The following ELN variants were observed in gnomAD, a reference collection of about 807,000 sequenced individuals.
ELN encodes the protein tropoelastin.
Under a neutral mutation model 105.8 loss-of-function variants are expected in ELN, and 65 were observed. The ratio of observed to expected loss-of-function variants is 0.61; its 90% CI spans 0.50 to 0.75. ELN has a LOEUF of 0.75. Among genes scored for constraint, ELN ranks in the 30% least tolerant of loss-of-function variants. The pLI is 0.00. For missense variants in ELN, 882 were observed against 969.4 expected (o/e 0.91, Z 1.20); for synonymous variants, 368 against 389.2 (o/e 0.95, Z 0.64).
chr7:74,065,586 C>T, intron 29 of ELN, 108 bp from the exon 30 acceptor site: 2 of 1,376,072 alleles, frequency 1.5e-6, no homozygotes, highest in Non-Finnish European at 1.0e-6. Flanking sequence ...TGCACTCCAG[C>T]CCAGGCGAAG....
chr7:74,034,577 C>T (rs1292569989), intron 1 of ELN, among the ~76,000 whole-genome samples: 2 of 152,134 alleles, frequency 1.3e-5, no homozygotes, highest in Non-Finnish European at 2.9e-5. Context: ...TGGAGGTGCA[C>T]GCCTGTAGTC....
rs557259683 is a variant in ELN, at chr7:74,063,388, T to G, written c.1918+19T>G. The G allele has an allele frequency of 8.6e-5, 133 of 1,544,030 alleles. No individual in the cohort carries two copies. In the African/African-American group the frequency reaches 1.7e-3, roughly 20 times the overall value. On this transcript the variant is annotated intron_variant, in intron 28 of 32. Coordinates refer to ENST00000252034, the MANE Select transcript of ELN (RefSeq NM_000501.4). The surrounding 1 kb of genome is among the most constrained non-coding windows in gnomAD (Gnocchi z 4.1). Reference sequence around the variant, plus strand: ...CAGTTTGGTGAGCACTGGGTGGAGGTGGGAGCTGCCGCCAGGCCCCCAGGC... The same window carrying G: ...CAGTTTGGTGAGCACTGGGTGGAGGGGGGAGCTGCCGCCAGGCCCCCAGGC...
chr7:74,058,995 G>C (rs550677461), intron 22 of ELN, among the ~76,000 whole-genome samples: 1 of 151,846 alleles, frequency 6.6e-6, no homozygotes, highest in African/African-American at 2.4e-5. Flanking sequence ...CCGTCAGCTC[G>C]CCGCAGGCCT....
chr7:74,029,988 G>T (rs529179466), intron 1 of ELN, among the ~76,000 whole-genome samples: 1 of 152,178 alleles, frequency 6.6e-6, no homozygotes, highest in East Asian at 1.9e-4. Context: ...AAGGCTTGGG[G>T]CTGAGTCCTT....
intron 29 of ELN, among the ~76,000 whole-genome samples, chr7:74,064,423 AATAT>A (rs60621659): frequency 4.1e-4 from 55 of 133,126 alleles, no homozygotes; most frequent in Middle Eastern, 7.9e-3. Context: ...TCAAAAAAAA[AATAT>A]ATATATATAT....
At chr7:74,065,599 G>A in intron 29 of ELN, 95 bp from the exon 30 acceptor site, 2 of 1,454,992 alleles carry the variant, frequency 1.4e-6, no homozygotes, top group Non-Finnish European at 9.4e-7. Context: ...AGGCGAAGGA[G>A]TGAGACTCTG....
In ELN at chr7:74,042,594, C is replaced by T. The variant is rs782194271; in HGVS notation, c.233-20C>T. On this transcript the variant is annotated intron_variant, in intron 5 of 32. Coordinates refer to ENST00000252034, the MANE Select transcript of ELN (RefSeq NM_000501.4). ...ATAGGTGTGGTAGCTCAGGACCTCACCCCATCCTCCCCTCCGCAGGGCTCG... is the reference window on the plus strand; with the variant it reads ...ATAGGTGTGGTAGCTCAGGACCTCATCCCATCCTCCCCTCCGCAGGGCTCG... The T allele has an allele frequency of 1.9e-6, 3 of 1,611,008 alleles. No individual in the cohort carries two copies. The highest frequency in any genetic ancestry group is 1.7e-5 in the Admixed American group (1 of 59,980).
At position 74,057,703 on chromosome 7, in the gene ELN, C is replaced by T. The variant is rs782671526; in HGVS notation, c.1414+7C>T. ...GCCAAAGCCGCCCAGTTTGGTAAGT[C>T]CCCCTCACCCCCGCCACTGGCTCAC... On this transcript the variant is annotated splice_region_variant and intron_variant, in intron 22 of 32. Transcript: ENST00000252034. The T allele has an allele frequency of 4.3e-6, 7 of 1,612,606 alleles. No individual in the cohort carries two copies. Among genetic ancestry groups the T allele is most frequent in the East Asian group, 2.2e-5 (1 of 44,870 alleles).
At chr7:74,057,596 GGT>G in intron 21 of ELN, 42 bp from the exon 22 acceptor site, 1 of 1,610,868 alleles carries the variant, frequency 6.2e-7, no homozygotes, top group Non-Finnish European at 8.5e-7. Flanking sequence ...AGCAGGGAGG[GGT>G]GTGAGAGATT....
chr7:74,045,457 G>GCCCA, intron 10 of ELN, 164 bp downstream of exon 10: 4 of 767,160 alleles, frequency 5.2e-6, no homozygotes, highest in Non-Finnish European at 8.9e-6. Context: ...CTCAGAGTGT[G>GCCCA]GCTGGGCACA....
intron 4 of ELN, 80 bp from the exon 5 acceptor site, chr7:74,041,136 C>T: frequency 6.3e-7 from 1 of 1,595,996 alleles, no homozygotes; most frequent in Non-Finnish European, 8.6e-7. Flanking sequence ...GATCACAGCA[C>T]TGCCCTAACT....
intron 1 of ELN, among the ~76,000 whole-genome samples, chr7:74,034,444 G>A (rs940969377): frequency 3.8e-4 from 58 of 152,156 alleles, no homozygotes; most frequent in African/African-American, 1.2e-3. Context: ...GCAGCAGGGC[G>A]CAGGGGCCTG....
intron 15 of ELN, 98 bp from the exon 16 acceptor site, chr7:74,051,652 A>G: frequency 7.1e-7 from 1 of 1,400,012 alleles, no homozygotes. Flanking sequence ...TTCCTGGATA[A>G]GATCACACTG....
chr7:74,068,283 C>A (rs1169998966), intron 32 of ELN, among the ~76,000 whole-genome samples: 1 of 152,198 alleles, frequency 6.6e-6, no homozygotes, highest in Non-Finnish European at 1.5e-5. Flanking sequence ...AGAGGGCCGT[C>A]TCCTGCAGAC....
chr7:74,056,590 AGG>A, intron 20 of ELN, 80 bp from the exon 21 acceptor site: 1 of 1,609,702 alleles, frequency 6.2e-7, no homozygotes, highest in Non-Finnish European at 8.5e-7. Context: ...CATGCCTTAC[AGG>A]GCAGAAGAGC....
chr7:74,028,261 G>A lies in ELN; in HGVS notation c.74G>A (p.Arg25Gln), dbSNP rs151272992. 1.7e-5 allele frequency: 28 copies of A among 1,607,920 alleles called. No homozygotes were observed. Among genetic ancestry groups the A allele is most frequent in the African/African-American group, 1.5e-4 (11 of 74,824 alleles). ...LLLLSILHPS[R>Q]PGGVPGAIPG... ...CTGCTGTCCATCCTCCACCCCTCTC[G>A]GCCTGGAGGTAAGGACCCCTCGCCC... Residue 25 changes from arginine to glutamine, a missense_variant, in exon 1 of 33, where the codon CGG becomes CAG. Coordinates refer to ENST00000252034, the MANE Select transcript of ELN (RefSeq NM_000501.4).
At chr7:74,052,159 T>C in intron 17 of ELN, 176 bp downstream of exon 17, 1 of 739,994 alleles carries the variant, frequency 1.4e-6, no homozygotes, top group Non-Finnish European at 2.2e-6. Flanking sequence ...TCTATTGTTT[T>C]GCCCTGATTA....
Position 74,063,057 on chromosome 7 carries a change from A to G in ELN, c.1787-96A>G. On this transcript the variant is annotated intron_variant, in intron 26 of 32. Coordinates refer to ENST00000252034, the MANE Select transcript of ELN (RefSeq NM_000501.4). This position sits in a 1 kb window ranked among gnomAD's most constrained non-coding sequence, Gnocchi z 4.1. ...GTCCACTGCTCCTCCACAGTGTCAC[A>G]TGGCCCCTGCCACCTGTCTGCTTGC... The G allele has an allele frequency of 6.9e-7, 1 of 1,459,262 alleles. No individual in the cohort carries two copies. The highest frequency in any genetic ancestry group is 9.3e-7 in the Non-Finnish European group (1 of 1,069,744). The allele number at this position is 1,459,262 out of a possible 1,614,324, so 90.4% of individuals were successfully genotyped here.
intron 15 of ELN, among the ~76,000 whole-genome samples, chr7:74,050,012 TC>T (rs1793614008): frequency 2.0e-5 from 3 of 150,916 alleles, no homozygotes; most frequent in Admixed American, 2.0e-4. Flanking sequence ...CATCCATTCC[TC>T]CATGCACCCA....
Sources: gnomAD v4.1 joint callset for allele counts (sites outside exome capture counted in the v4.1 genomes callset) on GRCh38, gnomAD v4.1.1 for gene constraint, Gnocchi (gnomAD v3.1) non-coding constraint, MANE v1.5 for transcripts, NCBI Gene and HGNC (gene_info 2026-07-23, HGNC 2026-07-21) for gene names.